The following TDRD1 variants were observed in gnomAD, a reference collection of about 807,000 sequenced individuals.
TDRD1 encodes tudor domain-containing protein 1.
A neutral mutation model predicts 140.6 loss-of-function variants in TDRD1; 37 were observed. The ratio of observed to expected loss-of-function variants is 0.26; its 90% CI spans 0.20 to 0.35. The LOEUF is 0.35. TDRD1 is among the 10% of genes least tolerant of loss of function. TDRD1 has a pLI of 1.00. For missense variants in TDRD1, 1,243 were observed against 1,393.0 expected (o/e 0.89, Z 1.71); for synonymous variants, 506 against 475.7 (o/e 1.06, Z -0.83).
At chr10:114,209,519 A>C (rs1023667765) in intron 11 of TDRD1, among the ~76,000 whole-genome samples, 1 of 152,216 alleles carries the variant, frequency 6.6e-6, no homozygotes, top group African/African-American at 2.4e-5. Flanking sequence ...TTTTGGAAAC[A>C]TTTTAAGAAA....
chr10:114,175,946 A>G (rs1462856326), upstream of TDRD1, among the ~76,000 whole-genome samples: 1 of 152,214 alleles, frequency 6.6e-6, no homozygotes, highest in African/African-American at 2.4e-5. Context: ...TGCAAACTGA[A>G]TGTCAATCAA....
intron 3 of TDRD1, among the ~76,000 whole-genome samples, chr10:114,198,477 A>G (rs1424540416): frequency 6.6e-6 from 1 of 151,944 alleles, no homozygotes; most frequent in African/African-American, 2.4e-5. Context: ...GGGGCACCTC[A>G]TTTGTAGCCT....
At chr10:114,217,451 A>G in intron 16 of TDRD1, 94 bp from the exon 17 acceptor site, 1 of 637,366 alleles carries the variant, frequency 1.6e-6, no homozygotes, top group African/African-American at 1.9e-5. Flanking sequence ...ACCTGTCTTG[A>G]TCATAAAAAT....
intron 21 of TDRD1, among the ~76,000 whole-genome samples, chr10:114,223,546 A>G (rs771067389): frequency 3.3e-5 from 5 of 152,210 alleles, no homozygotes; most frequent in Non-Finnish European, 7.4e-5. Flanking sequence ...GGGACCTTCA[A>G]ACTTCATGGT....
exon 26 of TDRD1, chr10:114,231,519 A>G (rs1350312308): frequency 6.3e-7 from 1 of 1,595,242 alleles, no homozygotes; most frequent in African/African-American, 1.4e-5. Context: ...CCCTTATGAG[A>G]CAGGAAACAG....
rs769362895 is a variant in TDRD1, at chr10:114,207,685, C to CAT, written c.1384+1356_1384+1357dup. Among the ~76,000 whole-genome samples, 49 of 151,900 alleles carry CAT rather than the reference C, an allele frequency of 3.2e-4. 1 individual carries two copies. Among genetic ancestry groups the CAT allele is most frequent in the Middle Eastern group, 3.4e-3 (1 of 292 alleles). On this transcript the variant is annotated intron_variant, in intron 11 of 25. Coordinates refer to ENST00000251864, the Ensembl canonical transcript of TDRD1. ...AGGAAGATGAAGCTGGGGCCTGCAA[C>CAT]ATGGAGTGAGGAGCTATAATGGGAA... is the stretch of plus-strand genomic sequence containing the variant.
At chr10:114,206,123 T>C (rs117198021) in intron 10 of TDRD1, 121 bp from the exon 11 acceptor site, 7,902 of 743,028 alleles carry the variant, frequency 0.011, 79 homozygotes, top group Non-Finnish European at 0.012. Flanking sequence ...GCAAAACATA[T>C]ACCAACCTAT....
intron 1 of TDRD1, among the ~76,000 whole-genome samples, chr10:114,181,171 T>A (rs1393074197): frequency 1.3e-5 from 2 of 152,206 alleles, no homozygotes; most frequent in Non-Finnish European, 2.9e-5. Context: ...TGATTCCTAA[T>A]TCTGAGAAAA....
intron 2 of TDRD1, among the ~76,000 whole-genome samples, chr10:114,190,434 G>A (rs564493337): frequency 6.6e-6 from 1 of 152,260 alleles, no homozygotes; most frequent in East Asian, 1.9e-4. Flanking sequence ...ATGGAGAAAA[G>A]TTCACAATGA....
At chr10:114,210,624 TGTC>T in exon 12 of TDRD1, 1 of 1,606,952 alleles carries the variant, frequency 6.2e-7, no homozygotes, top group East Asian at 2.2e-5. Context: ...AAAACAACAT[TGTC>T]GTAGACAAAA....
intron 8 of TDRD1, 93 bp downstream of exon 8, chr10:114,203,660 C>A: frequency 8.7e-7 from 1 of 1,147,474 alleles, no homozygotes; most frequent in Non-Finnish European, 1.2e-6. Flanking sequence ...CATGACAAGG[C>A]TTAAAGCCAG....
chr10:114,231,025 CCA>C (rs1291599391), intron 25 of TDRD1, among the ~76,000 whole-genome samples: 1 of 152,170 alleles, frequency 6.6e-6, no homozygotes, highest in African/African-American at 2.4e-5. Flanking sequence ...CGAGATGGCA[CCA>C]CTGCACTCCA....
exon 19 of TDRD1, chr10:114,220,579 A>G (rs775753503): frequency 6.2e-7 from 1 of 1,612,436 alleles, no homozygotes; most frequent in South Asian, 1.1e-5. Flanking sequence ...TATACAGTCT[A>G]GAAACAAACA....
At chr10:114,203,244 T>G in intron 7 of TDRD1, 68 bp downstream of exon 7, 1 of 1,498,210 alleles carries the variant, frequency 6.7e-7, no homozygotes, top group Non-Finnish European at 9.2e-7. Flanking sequence ...GTTTCCTATT[T>G]TTGAGTTCAT....
At chr10:114,205,023 C>A in intron 10 of TDRD1, 130 bp downstream of exon 10, 1 of 721,306 alleles carries the variant, frequency 1.4e-6, no homozygotes, top group Non-Finnish European at 2.1e-6. Context: ...GTGACTGAAC[C>A]CATTCTTGAA....
At chr10:114,218,349 G>C (rs1402028346) in intron 17 of TDRD1, 65 bp from the exon 18 acceptor site, 1 of 1,200,548 alleles carries the variant, frequency 8.3e-7, no homozygotes, top group Non-Finnish European at 1.1e-6. Context: ...CTTTTTTCAA[G>C]ATAAGTATTT....
intron 1 of TDRD1, among the ~76,000 whole-genome samples, chr10:114,184,227 C>T (rs1257853183): frequency 6.6e-6 from 1 of 150,968 alleles, no homozygotes; most frequent in South Asian, 2.1e-4. Flanking sequence ...TGTTTATGAA[C>T]TTACCTTCTT....
intron 11 of TDRD1, among the ~76,000 whole-genome samples, chr10:114,210,308 A>T (rs2035398814): frequency 6.6e-6 from 1 of 152,138 alleles, no homozygotes; most frequent in Non-Finnish European, 1.5e-5. Context: ...GACTATAAAG[A>T]GTGTATTATA....
chr10:114,206,131 T>C, intron 10 of TDRD1, 113 bp from the exon 11 acceptor site: 1 of 758,348 alleles, frequency 1.3e-6, no homozygotes. Context: ...TATACCAACC[T>C]ATTAATAGCT....
Sources: gnomAD v4.1 joint callset for allele counts (sites outside exome capture counted in the v4.1 genomes callset) on GRCh38, gnomAD v4.1.1 for gene constraint, MANE v1.5 for transcripts, NCBI Gene and HGNC (gene_info 2026-07-23, HGNC 2026-07-21) for gene names.